PIK3C2A: variants seen among roughly 807,000 people sequenced by gnomAD.
PIK3C2A encodes phosphatidylinositol 4-phosphate 3-kinase C2 domain-containing subunit alpha.
In PIK3C2A, 97 loss-of-function variants were observed where a neutral mutation model predicts 204.5. That is an observed-to-expected ratio of 0.47 (90% CI 0.40 to 0.56). PIK3C2A has a LOEUF of 0.56. Ranked by LOEUF, PIK3C2A falls within the 20% of genes least tolerant of loss-of-function variation. The pLI is 0.00. For synonymous variants in PIK3C2A, 653 were observed against 664.4 expected (o/e 0.98, Z 0.26); for missense variants, 1,735 against 1,969.2 (o/e 0.88, Z 2.25).
chr11:17,151,346 G>A (rs779406541), intron 3 of PIK3C2A, among the ~76,000 whole-genome samples: 1 of 152,144 alleles, frequency 6.6e-6, no homozygotes, highest in Non-Finnish European at 1.5e-5. Flanking sequence ...TTACACTTGT[G>A]AGCTCTTTTA....
intron 1 of PIK3C2A, among the ~76,000 whole-genome samples, chr11:17,194,803 G>A (rs1435060637): frequency 1.3e-5 from 2 of 152,004 alleles, no homozygotes; most frequent in East Asian, 3.9e-4. Flanking sequence ...CAGCTACTCG[G>A]GAGTCTGAGG....
Position 17,145,903 on chromosome 11 carries a change from G to A in PIK3C2A, c.1600C>T (p.Leu534=). 1 of 1,613,448 alleles carries A rather than the reference G, an allele frequency of 6.2e-7. No individual in the cohort carries two copies. The highest frequency in any genetic ancestry group is 8.5e-7 in the Non-Finnish European group (1 of 1,179,832). ...TTGCAAGGTTTTTCTATTTGATACA[G>A]GTGTTTGTTTAAATCCACGGGTGTT... ...DETPVDLNKH[L]YQIEKPCKEA... The change falls in exon 7 of 33, where the codon CTG becomes TTG. Residue 534 remains leucine, a synonymous_variant. Coordinates refer to ENST00000691414, the MANE Select transcript of PIK3C2A (RefSeq NM_002645.4).
Position 17,094,309 on chromosome 11 carries a change from T to C in PIK3C2A, c.4403A>G (p.Glu1468Gly). 1 of 1,610,818 alleles carries C rather than the reference T, an allele frequency of 6.2e-7. No homozygotes were observed. Among genetic ancestry groups the C allele is most frequent in the South Asian group, 1.1e-5 (1 of 91,024 alleles). The change falls in exon 28 of 33, where the codon GAA becomes GGA. Residue 1468 changes from glutamate (E) to glycine (G), a missense_variant. Transcript: ENST00000691414. ...AATAATACTGAGCTTATTGTGAAGTTCCTGAAATTCGTCAAATGTTCGGAA... is the reference window on the plus strand; with the variant it reads ...AATAATACTGAGCTTATTGTGAAGTCCCTGAAATTCGTCAAATGTTCGGAA... ...FVFRTFDEFQ[E>G]LHNKLSIIFP... is the part of the protein sequence containing the mutation.
At chr11:17,109,153 T>C (rs1848919007) in intron 22 of PIK3C2A, among the ~76,000 whole-genome samples, 1 of 152,266 alleles carries the variant, frequency 6.6e-6, no homozygotes, top group African/African-American at 2.4e-5. Context: ...TTTCAGGTGA[T>C]TTCCTAGTGC....
chr11:17,192,126 C>G (rs1443062296), intron 1 of PIK3C2A, among the ~76,000 whole-genome samples: 1 of 152,064 alleles, frequency 6.6e-6, no homozygotes, highest in East Asian at 1.9e-4. Flanking sequence ...GCCAGGGTAA[C>G]AGAGCGAGAC....
intron 13 of PIK3C2A, 71 bp downstream of exon 13, chr11:17,129,229 T>C (rs113845414): frequency 3.2e-6 from 4 of 1,255,944 alleles, no homozygotes; most frequent in African/African-American, 3.0e-5. Context: ...CCTCACCTCC[T>C]TGTCATCTAG....
chr11:17,127,284 G>C (rs1208779158), intron 13 of PIK3C2A, among the ~76,000 whole-genome samples: 1 of 151,806 alleles, frequency 6.6e-6, no homozygotes, highest in Non-Finnish European at 1.5e-5. Context: ...CTAAAATAAA[G>C]AAAAATATTT....
chr11:17,148,556 C>A, intron 5 of PIK3C2A, 111 bp downstream of exon 5: 1 of 850,176 alleles, frequency 1.2e-6, no homozygotes, highest in South Asian at 1.8e-5. Context: ...TAAATCAATT[C>A]AATAGGATCC....
At position 17,182,092 on chromosome 11, in the gene PIK3C2A, C is replaced by CA. The variant is rs112297790; in HGVS notation, c.-65-12287dup. Among the ~76,000 whole-genome samples the CA allele has an allele frequency of 3.9e-3, 413 of 105,066 alleles. 1 individual carries two copies. Among genetic ancestry groups the CA allele is most frequent in the East Asian group, 0.012 (46 of 3,688 alleles). 68.9% of individuals were successfully genotyped at this position (105,066 alleles called of 152,430 possible). A position where few individuals can be genotyped will look rare whatever the true frequency, so the allele number is the denominator to read the frequency against. ...GGGCAACAAGAGTGAAACTCTGTCT[C>CA]AAAAAAAAAAAAAAAAGTTAGAATA... On this transcript the variant is annotated intron_variant, in intron 1 of 32. Transcript: ENST00000691414.
At chr11:17,183,307 C>G (rs1022948127) in intron 1 of PIK3C2A, among the ~76,000 whole-genome samples, 9 of 152,238 alleles carry the variant, frequency 5.9e-5, no homozygotes, top group Admixed American at 5.9e-4. Flanking sequence ...TCTTAAACAA[C>G]TTTTATGAAA....
At chr11:17,116,292 G>A (rs1422052370) in intron 19 of PIK3C2A, among the ~76,000 whole-genome samples, 2 of 152,074 alleles carry the variant, frequency 1.3e-5, no homozygotes, top group Admixed American at 6.6e-5. Context: ...ATGAGAATGT[G>A]CTCAATATCA....
intron 28 of PIK3C2A, among the ~76,000 whole-genome samples, 161 bp from the exon 29 acceptor site, chr11:17,092,437 C>A (rs569127327): frequency 6.4e-4 from 97 of 152,186 alleles, no homozygotes; most frequent in African/African-American, 2.3e-3. Flanking sequence ...GAGGCCAAGG[C>A]GGGTGGATCA....
intron 13 of PIK3C2A, among the ~76,000 whole-genome samples, chr11:17,126,322 C>G (rs899415444): frequency 6.6e-6 from 1 of 150,864 alleles, no homozygotes; most frequent in Non-Finnish European, 1.5e-5. Context: ...GATCGGATGG[C>G]GGGAAGATGG....
At chr11:17,130,874 T>G (rs1418638047) in intron 12 of PIK3C2A, among the ~76,000 whole-genome samples, 1 of 151,534 alleles carries the variant, frequency 6.6e-6, no homozygotes, top group Non-Finnish European at 1.5e-5. Flanking sequence ...AAATATCATC[T>G]TGTACATGGA....
At chr11:17,198,669 G>C (rs1852247933) in intron 1 of PIK3C2A, among the ~76,000 whole-genome samples, 1 of 152,076 alleles carries the variant, frequency 6.6e-6, no homozygotes, top group African/African-American at 2.4e-5. Context: ...GCATGCATCT[G>C]TACTCCCACC....
intron 2 of PIK3C2A, among the ~76,000 whole-genome samples, chr11:17,168,135 G>C (rs916341784): frequency 2.0e-5 from 3 of 151,986 alleles, no homozygotes; most frequent in Non-Finnish European, 4.4e-5. Flanking sequence ...CTTCATTAGA[G>C]GCTTTTTATT....
At position 17,092,040 on chromosome 11, in the gene PIK3C2A, G is replaced by A. The variant is rs1848326388; in HGVS notation, c.4598C>T (p.Pro1533Leu). 6.2e-7 allele frequency: 1 copy of A among 1,611,334 alleles called. No homozygotes were observed. Among genetic ancestry groups the A allele is most frequent in the Non-Finnish European group, 8.5e-7 (1 of 1,177,566 alleles). Residue 1533 changes from proline (P) to leucine (L), a missense_variant, in exon 30 of 33, where the codon CCT (proline) becomes CTT (leucine). Transcript: ENST00000691414. ...TTCAGCTTTCTCATCACGAAGTAAA[G>A]GGTGGAAGAAAGTACAAACAAGATC... ...ECDLVCTFFH[P>L]LLRDEKAEGI...
intron 8 of PIK3C2A, among the ~76,000 whole-genome samples, chr11:17,141,632 A>G (rs1850067654): frequency 6.6e-6 from 1 of 152,184 alleles, no homozygotes; most frequent in African/African-American, 2.4e-5. Flanking sequence ...CTTTATTCAG[A>G]TTTCACCAAC....
rs374173663 is a variant in PIK3C2A, at chr11:17,132,362, G to A, written c.2109-324C>T. On this transcript the variant is annotated intron_variant, in intron 11 of 32. Transcript: ENST00000691414. The stretch of plus-strand genomic sequence containing the variant: ...TTTTGAGACGGAGTCTCGCTCTGTC[G>A]CCCAGGACGGACTGCGGACTGCAGT... 1.1e-4 allele frequency among the ~76,000 whole-genome samples: 13 copies of A among 119,118 alleles called. No individual in the cohort carries two copies. The East Asian group carries it at 1.5e-3, about 14-fold the overall frequency. 78.1% of individuals were successfully genotyped at this position (119,118 alleles called of 152,430 possible).
Sources: allele counts gnomAD v4.1 joint callset (sites outside exome capture counted in the v4.1 genomes callset), GRCh38; gene constraint gnomAD v4.1.1; transcripts MANE v1.5; gene names NCBI Gene and HGNC (gene_info 2026-07-23, HGNC 2026-07-21).